Variants in ME3 observed in about 807,000 individuals in gnomAD.
ME3 encodes malic enzyme 3, also known as NADP-dependent malic enzyme, mitochondrial.
Under a neutral mutation model 68.9 loss-of-function variants are expected in ME3, and 48 were observed. The ratio of observed to expected loss-of-function variants is 0.70; its 90% CI spans 0.55 to 0.89. The LOEUF is 0.89. Among genes scored for constraint, ME3 ranks in the 40% least tolerant of loss-of-function variants. The probability of loss-of-function intolerance (pLI) is 0.00; values close to 1 mark genes in which losing one functional copy is unlikely to be tolerated. For missense variants in ME3, 675 were observed against 797.4 expected, an observed-to-expected ratio of 0.85 and a Z score of 1.85; for synonymous variants, 320 against 318.8, an observed-to-expected ratio of 1.00 and a Z score of -0.04.
chr11:86,585,657 C>A (rs4471455), intron 2 of ME3, among the ~76,000 whole-genome samples: 2 of 152,264 alleles, frequency 1.3e-5, no homozygotes, highest in South Asian at 4.2e-4. Flanking sequence ...AGTTCCATAT[C>A]TATAAGTCTG....
downstream of ME3, chr11:86,436,612 T>G (rs1948898971): frequency 6.6e-6 from 1 of 152,192 alleles, no homozygotes; most frequent in South Asian, 2.1e-4. Flanking sequence ...ATATTTTATC[T>G]TAGAAATTTT....
intron 4 of ME3, among the ~76,000 whole-genome samples, chr11:86,510,363 T>C (rs1013475133): frequency 1.3e-5 from 2 of 152,162 alleles, no homozygotes; most frequent in Non-Finnish European, 2.9e-5. Flanking sequence ...TTTCTTTGAG[T>C]TTTCCTCCTA....
intron 2 of ME3, among the ~76,000 whole-genome samples, chr11:86,652,935 G>C (rs528086629): frequency 4.5e-4 from 68 of 151,730 alleles, no homozygotes; most frequent in African/African-American, 1.4e-3. Flanking sequence ...AAAAGGCAGG[G>C]GTTGCAGTCC....
chr11:86,522,361 C>CT (rs139483078), intron 4 of ME3, among the ~76,000 whole-genome samples: 9,863 of 141,582 alleles, frequency 0.07, 343 homozygotes, highest in South Asian at 0.13. Context: ...CTATTTTTTT[C>CT]TTTTTTTTTT....
At chr11:86,535,153 C>A (rs1447192658) in intron 4 of ME3, among the ~76,000 whole-genome samples, 1 of 152,170 alleles carries the variant, frequency 6.6e-6, no homozygotes, top group Non-Finnish European at 1.5e-5. Context: ...TACTTGAATT[C>A]AAGCTTCCTG....
intron 8 of ME3, chr11:86,457,319 C>T (rs569204831): frequency 7.6e-4 from 132 of 173,808 alleles, no homozygotes; most frequent in Non-Finnish European, 8.3e-4. Context: ...CTAGTTCCTT[C>T]CTCCTTGGTC....
chr11:86,554,538 A>G (rs1374633869), intron 4 of ME3, among the ~76,000 whole-genome samples: 1 of 152,230 alleles, frequency 6.6e-6, no homozygotes, highest in Non-Finnish European at 1.5e-5. Context: ...TTTCTACAAT[A>G]GTTACTGAAG....
intron 11 of ME3, 81 bp from the exon 12 acceptor site, chr11:86,447,288 C>G: frequency 6.5e-7 from 1 of 1,541,056 alleles, no homozygotes; most frequent in Non-Finnish European, 8.8e-7. Context: ...GGTGGGGGAA[C>G]TAGGAATACC....
chr11:86,511,414 G>A (rs1369633167), intron 4 of ME3, among the ~76,000 whole-genome samples: 1 of 152,086 alleles, frequency 6.6e-6, no homozygotes, highest in African/African-American at 2.4e-5. Flanking sequence ...TCCTACTCCA[G>A]TGCTACTTTG....
rs1335492978 is a variant in ME3 at position 86,573,427 on chromosome 11, T to TC, written c.184-13605dup. Among the ~76,000 whole-genome samples, 81 of 115,122 alleles carry TC rather than the reference T, an allele frequency of 7.0e-4. 3 individuals carry two copies. The East Asian group carries it at 0.019, about 27-fold the overall frequency. The allele number at this position is 115,122 out of a possible 152,430, so 75.5% of individuals were successfully genotyped here. ...TATAGTTTTGGGTTTTACATTTTAG[T>TC]CTTTTTTTTTTTTTGGTATATATGA... is the stretch of plus-strand genomic sequence containing the variant. On this transcript the variant is annotated intron_variant, in intron 2 of 14. Coordinates refer to ENST00000543262, the Ensembl canonical transcript of ME3.
rs548298812 is a variant in ME3 at position 86,555,619 on chromosome 11, C to T, written c.467+934G>A. Among the ~76,000 whole-genome samples the T allele has an allele frequency of 7.2e-5, 11 of 152,178 alleles. No homozygotes were observed. The South Asian group carries it at 1.2e-3, about 17-fold the overall frequency. Reference sequence around the variant, plus strand: ...CTTTGCCAACGGTAACAGTGGGATCCGGAAAGAAACAGGACTGGCATTGGG... The same window carrying T: ...CTTTGCCAACGGTAACAGTGGGATCTGGAAAGAAACAGGACTGGCATTGGG... On this transcript the variant is annotated intron_variant, in intron 4 of 14. Coordinates refer to ENST00000543262, the Ensembl canonical transcript of ME3.
intron 2 of ME3, among the ~76,000 whole-genome samples, chr11:86,645,543 GC>G (rs1297825793): frequency 1.3e-5 from 2 of 152,200 alleles, no homozygotes; most frequent in Admixed American, 1.3e-4. Flanking sequence ...AAAGTCAGCA[GC>G]CCCAGTCAGG....
intron 5 of ME3, among the ~76,000 whole-genome samples, chr11:86,507,676 A>G (rs1953186279): frequency 6.6e-6 from 1 of 152,200 alleles, no homozygotes; most frequent in Non-Finnish European, 1.5e-5. Context: ...ACAAAGTTGC[A>G]TGTTTTATGT....
At chr11:86,567,916 G>A (rs1450027563) in intron 2 of ME3, among the ~76,000 whole-genome samples, 1 of 152,172 alleles carries the variant, frequency 6.6e-6, no homozygotes, top group South Asian at 2.1e-4. Flanking sequence ...TCAGATGCTT[G>A]TTCTGTGTAT....
chr11:86,538,506 A>AC (rs1955834574), intron 4 of ME3, among the ~76,000 whole-genome samples: 1 of 152,104 alleles, frequency 6.6e-6, no homozygotes, highest in Non-Finnish European at 1.5e-5. Flanking sequence ...ACTTCCCACA[A>AC]CCGTCAGTCC....
intron 4 of ME3, among the ~76,000 whole-genome samples, chr11:86,545,190 T>C (rs1217747138): frequency 6.6e-6 from 1 of 152,204 alleles, no homozygotes; most frequent in Non-Finnish European, 1.5e-5. Context: ...GAGCTATTTA[T>C]GACAAACCCA....
At chr11:86,581,478 G>A (rs1434391946) in intron 2 of ME3, among the ~76,000 whole-genome samples, 1 of 152,176 alleles carries the variant, frequency 6.6e-6, no homozygotes, top group Non-Finnish European at 1.5e-5. Flanking sequence ...CTCATAATGT[G>A]TGTAAAGTGT....
chr11:86,655,701 G>T (rs2135459561), intron 2 of ME3, among the ~76,000 whole-genome samples: 1 of 151,892 alleles, frequency 6.6e-6, no homozygotes, highest in East Asian at 1.9e-4. Context: ...AGGACTTCAT[G>T]TCTAAAACAC....
chr11:86,666,843 C>T (rs756418962), intron 2 of ME3, among the ~76,000 whole-genome samples: 2 of 152,200 alleles, frequency 1.3e-5, no homozygotes, highest in Non-Finnish European at 2.9e-5. Context: ...ATCCATACAA[C>T]ACACTTAACA....
Sources: gnomAD v4.1 joint callset for allele counts (sites outside exome capture counted in the v4.1 genomes callset) on GRCh38, gnomAD v4.1.1 for gene constraint, MANE v1.5 for transcripts, NCBI Gene and HGNC (gene_info 2026-07-23, HGNC 2026-07-21) for gene names.